The following NKAIN2 variants were observed in gnomAD, a reference collection of about 807,000 sequenced individuals.
The protein encoded by NKAIN2 is sodium/potassium-transporting ATPase subunit beta-1-interacting protein 2.
A neutral mutation model predicts 32.6 loss-of-function variants in NKAIN2; 14 were observed. The observed-to-expected ratio is 0.43, with a 90% confidence interval of 0.28 to 0.67. NKAIN2 has a LOEUF of 0.67. NKAIN2 is among the 30% of genes least tolerant of loss of function. The pLI is 0.17. For missense variants in NKAIN2, 198 were observed against 258.3 expected (o/e 0.77, Z 1.60); for synonymous variants, 80 against 87.2 (o/e 0.92, Z 0.46).
At chr6:124,415,170 G>A (rs1304518695) in intron 3 of NKAIN2, among the ~76,000 whole-genome samples, 1 of 152,120 alleles carries the variant, frequency 6.6e-6, no homozygotes, top group Non-Finnish European at 1.5e-5. Flanking sequence ...AGATTCCACA[G>A]ATTTAGGTCT....
At chr6:124,020,409 C>A (rs1434734068) in intron 1 of NKAIN2, among the ~76,000 whole-genome samples, 1 of 152,120 alleles carries the variant, frequency 6.6e-6, no homozygotes, top group African/African-American at 2.4e-5. Context: ...AGATCAGGGA[C>A]AACACTGCTT....
chr6:123,873,931 G>GTTTA (rs60209355), intron 1 of NKAIN2, among the ~76,000 whole-genome samples: 12,757 of 151,974 alleles, frequency 0.084, 1,095 homozygotes, highest in African/African-American at 0.22. Flanking sequence ...TTTCCTGTTT[G>GTTTA]TTTATTTATT....
rs533298461 is a variant in NKAIN2, at chr6:123,933,667, G to A, written c.54+129413G>A. 3.3e-5 allele frequency among the ~76,000 whole-genome samples: 5 copies of A among 152,324 alleles called. 1 individual carries two copies. The South Asian group carries it at 1.0e-3, about 32-fold the overall frequency. Reference sequence around the variant, plus strand: ...TTTGGTCATTTCTATCACCTAGAATGCCATTGCTTCCTTTCTACCCTCAAA... The same window carrying A: ...TTTGGTCATTTCTATCACCTAGAATACCATTGCTTCCTTTCTACCCTCAAA... On this transcript the variant is annotated intron_variant, in intron 1 of 6. Coordinates refer to ENST00000368417, the MANE Select transcript of NKAIN2 (RefSeq NM_001040214.3).
chr6:124,646,970 AAAAAC>A (rs1784194597), intron 3 of NKAIN2, among the ~76,000 whole-genome samples: 1 of 151,924 alleles, frequency 6.6e-6, no homozygotes, highest in Non-Finnish European at 1.5e-5. Context: ...AAACAAAAAC[AAAAAC>A]AAAACAAAAA....
At chr6:124,547,255 A>G (rs1672191974) in intron 3 of NKAIN2, among the ~76,000 whole-genome samples, 1 of 152,224 alleles carries the variant, frequency 6.6e-6, no homozygotes, top group South Asian at 2.1e-4. Context: ...AGGATGCTAT[A>G]AACTGTTAAA....
At chr6:124,108,687 G>C (rs1017232323) in intron 1 of NKAIN2, among the ~76,000 whole-genome samples, 1 of 151,960 alleles carries the variant, frequency 6.6e-6, no homozygotes, top group African/African-American at 2.4e-5. Context: ...TTCCATTTAA[G>C]CTATTAATTC....
chr6:124,677,600 C>T (rs1773424050), intron 4 of NKAIN2, among the ~76,000 whole-genome samples: 1 of 152,086 alleles, frequency 6.6e-6, no homozygotes. Context: ...AATACAAAAA[C>T]TACTTTTTCA....
chr6:124,670,195 G>T (rs1210109648), intron 4 of NKAIN2, among the ~76,000 whole-genome samples: 2 of 152,034 alleles, frequency 1.3e-5, no homozygotes, highest in African/African-American at 2.4e-5. Flanking sequence ...AGTGTTTCTA[G>T]AAAATCACTG....
intron 4 of NKAIN2, among the ~76,000 whole-genome samples, chr6:124,739,987 G>C (rs2114685729): frequency 6.6e-6 from 1 of 151,972 alleles, no homozygotes; most frequent in Admixed American, 6.6e-5. Flanking sequence ...TGCCCCTCCA[G>C]CTGTTTCATC....
At chr6:124,033,191 A>T (rs1781477011) in intron 1 of NKAIN2, among the ~76,000 whole-genome samples, 1 of 152,146 alleles carries the variant, frequency 6.6e-6, no homozygotes, top group East Asian at 1.9e-4. Context: ...AATGTACAGG[A>T]GTAACATATT....
Position 124,796,314 on chromosome 6 carries a change from T to C in NKAIN2, c.535+4915T>C, listed in dbSNP as rs13216052. 8.9e-3 allele frequency among the ~76,000 whole-genome samples: 1,359 copies of C among 152,282 alleles called. 9 individuals carry two copies. Among genetic ancestry groups the C allele is most frequent in the Non-Finnish European group, 0.015 (1,022 of 68,022 alleles). On this transcript the variant is annotated intron_variant, in intron 5 of 6. Coordinates refer to ENST00000368417, the MANE Select transcript of NKAIN2 (RefSeq NM_001040214.3). ...GGCACTTTCTGTTGGATTAGGGCCC[T>C]ATCCTTATGACCCCATTTAACCTTC...
rs904442851 is a variant in NKAIN2 at position 124,153,455 on chromosome 6, G to A, written c.55-129550G>A. 4.0e-5 allele frequency among the ~76,000 whole-genome samples: 6 copies of A among 151,320 alleles called. No homozygotes were observed. The East Asian group carries it at 1.2e-3, about 29-fold the overall frequency. Reference sequence around the variant, plus strand: ...AGCATTGAATTTATAGATAACTTGAGGGATAATTAACTTTTAACATTATCT... The same window carrying A: ...AGCATTGAATTTATAGATAACTTGAAGGATAATTAACTTTTAACATTATCT... On this transcript the variant is annotated intron_variant, in intron 1 of 6. Transcript: ENST00000368417.
rs377574091 is a variant in NKAIN2, at chr6:124,455,708, C to G, written c.273+100361C>G. On this transcript the variant is annotated intron_variant, in intron 3 of 6. Coordinates refer to ENST00000368417, the MANE Select transcript of NKAIN2 (RefSeq NM_001040214.3). Reference sequence around the variant, plus strand: ...ACATTTCCCCTAGTTACATGCTAATCCCAATCCTCAGAATAATGTTGACAA... The same window carrying G: ...ACATTTCCCCTAGTTACATGCTAATGCCAATCCTCAGAATAATGTTGACAA... 2.6e-5 allele frequency among the ~76,000 whole-genome samples: 4 copies of G among 151,778 alleles called. No homozygotes were observed. In the South Asian group the frequency reaches 6.2e-4, roughly 24 times the overall value.
At chr6:124,801,548 C>A (rs1300910194) in intron 5 of NKAIN2, among the ~76,000 whole-genome samples, 1 of 152,128 alleles carries the variant, frequency 6.6e-6, no homozygotes, top group African/African-American at 2.4e-5. Context: ...ATTCTTGTAA[C>A]AAATAATTAT....
chr6:124,470,013 G>A (rs1776910942), intron 3 of NKAIN2, among the ~76,000 whole-genome samples: 1 of 152,150 alleles, frequency 6.6e-6, no homozygotes, highest in African/African-American at 2.4e-5. Context: ...AGATGCTCAG[G>A]GAAATTAGGA....
intron 3 of NKAIN2, among the ~76,000 whole-genome samples, chr6:124,507,545 T>A (rs1778534978): frequency 6.6e-6 from 1 of 152,190 alleles, no homozygotes; most frequent in Admixed American, 6.5e-5. Context: ...TAAACATTTC[T>A]CTCTATCACA....
At chr6:124,654,281 AATT>A (rs1784463153) in intron 3 of NKAIN2, among the ~76,000 whole-genome samples, 1 of 152,138 alleles carries the variant, frequency 6.6e-6, no homozygotes, top group Non-Finnish European at 1.5e-5. Flanking sequence ...TGGTAAATGT[AATT>A]ATTTAAAATA....
chr6:124,813,340 G>A lies in NKAIN2; in HGVS notation c.536-5047G>A, dbSNP rs1241328527. On this transcript the variant is annotated intron_variant, in intron 5 of 6. Coordinates refer to ENST00000368417, the MANE Select transcript of NKAIN2 (RefSeq NM_001040214.3). ...TGTAGATCCTTACAGTATTAGATGG[G>A]AAGAACATAAAGAGCAAATTTTCTA... Among the ~76,000 whole-genome samples, 4 of 152,042 alleles carry A rather than the reference G, an allele frequency of 2.6e-5. No homozygotes were observed. The East Asian group carries it at 7.7e-4, about 29-fold the overall frequency.
intron 1 of NKAIN2, among the ~76,000 whole-genome samples, chr6:123,892,459 A>G (rs918421784): frequency 2.6e-5 from 4 of 152,082 alleles, no homozygotes; most frequent in Non-Finnish European, 5.9e-5. Flanking sequence ...CCAGATGCCT[A>G]TAAAAACATC....
Sources: gnomAD v4.1 joint callset for allele counts (sites outside exome capture counted in the v4.1 genomes callset) on GRCh38, gnomAD v4.1.1 for gene constraint, MANE v1.5 for transcripts, NCBI Gene and HGNC (gene_info 2026-07-23, HGNC 2026-07-21) for gene names.